Variants in INSR observed in about 807,000 individuals in gnomAD.
The protein encoded by INSR is IR.
Under a neutral mutation model 142.6 loss-of-function variants are expected in INSR, and 67 were observed. The ratio of observed to expected loss-of-function variants is 0.47; its 90% confidence interval spans 0.39 to 0.58. The LOEUF is 0.58. Among genes scored for constraint, INSR ranks in the 20% least tolerant of loss-of-function variants. The pLI, the probability that INSR is intolerant of heterozygous loss-of-function variation, is 0.00. For synonymous variants in INSR, 756 were observed against 743.1 expected (o/e 1.02, Z -0.28); for missense variants, 1,248 against 1,833.2 (o/e 0.68, Z 5.83).
chr19:7,163,266 G>A, intron 8 of INSR, 67 bp from the exon 9 acceptor site: 1 of 1,472,468 alleles, frequency 6.8e-7, no homozygotes, highest in Admixed American at 1.7e-5. Flanking sequence ...GTGGGAGGAT[G>A]GCGGGGGACA....
chr19:7,238,008 C>T (rs978993733), intron 2 of INSR, among the ~76,000 whole-genome samples: 1 of 152,016 alleles, frequency 6.6e-6, no homozygotes, highest in Non-Finnish European at 1.5e-5. Context: ...GGAGGTTTCC[C>T]TCCATCTTGG....
intron 1 of INSR, among the ~76,000 whole-genome samples, chr19:7,274,107 T>C (rs1211268366): frequency 2.0e-5 from 3 of 152,014 alleles, no homozygotes; most frequent in African/African-American, 7.2e-5. Flanking sequence ...GGACCAATGG[T>C]AGAAGACAAT....
At chr19:7,268,859 A>G (rs1319242300) in intron 1 of INSR, among the ~76,000 whole-genome samples, 1 of 152,102 alleles carries the variant, frequency 6.6e-6, no homozygotes, top group African/African-American at 2.4e-5. Context: ...AATCCAGCCC[A>G]TCATGCTTCA....
chr19:7,250,626 G>T (rs976603951), intron 2 of INSR, among the ~76,000 whole-genome samples: 6 of 150,946 alleles, frequency 4.0e-5, no homozygotes, highest in Admixed American at 6.6e-5. Context: ...AGGGCAGGGA[G>T]GAAGAAGATG....
chr19:7,197,149 G>C (rs1213537083), intron 2 of INSR, among the ~76,000 whole-genome samples: 1 of 152,244 alleles, frequency 6.6e-6, no homozygotes, highest in East Asian at 1.9e-4. Flanking sequence ...CCTTGAAGCG[G>C]GGAAGCGCCC....
chr19:7,244,532 C>A (rs199543689), intron 2 of INSR, among the ~76,000 whole-genome samples: 441 of 144,914 alleles, frequency 3.0e-3, no homozygotes, highest in African/African-American at 6.1e-3. Flanking sequence ...GACTCTGTCT[C>A]AAAAAGAAAA....
At chr19:7,126,775 T>C (rs1472351255) in intron 15 of INSR, 124 bp from the exon 16 acceptor site, 1 of 879,994 alleles carries the variant, frequency 1.1e-6, no homozygotes, top group Non-Finnish European at 1.9e-6. Context: ...TAATCCTAGA[T>C]GCAGTCTAGG....
intron 2 of INSR, among the ~76,000 whole-genome samples, chr19:7,259,779 A>G (rs967194891): frequency 3.3e-5 from 5 of 151,650 alleles, no homozygotes; most frequent in Non-Finnish European, 7.4e-5. Context: ...AGATCATGCC[A>G]CTGCACTCCA....
intron 2 of INSR, among the ~76,000 whole-genome samples, chr19:7,244,877 T>C (rs1254650717): frequency 1.3e-5 from 2 of 151,908 alleles, no homozygotes; most frequent in Non-Finnish European, 2.9e-5. Context: ...GGGTTATGTT[T>C]TTAATTAAAT....
rs1247117361 is a variant in INSR at position 7,119,739 on chromosome 19, C to T, written c.3660-156G>A. Among the ~76,000 whole-genome samples, 5 of 150,964 alleles carry T rather than the reference C, an allele frequency of 3.3e-5. No homozygotes were observed. The highest frequency in any genetic ancestry group is 1.2e-4 in the African/African-American group (5 of 40,912). On this transcript the variant is annotated intron_variant, in intron 20 of 21. Coordinates refer to ENST00000302850, the MANE Select transcript of INSR (RefSeq NM_000208.4). This position sits in a 1 kb window ranked among gnomAD's most constrained non-coding sequence, Gnocchi z 5.2. The stretch of plus-strand genomic sequence containing the variant: ...ACACATGCAAACACACACGCACATA[C>T]ACGTGCACACACATGCAAATACACA...
intron 2 of INSR, among the ~76,000 whole-genome samples, chr19:7,252,207 C>G (rs533968231): frequency 6.6e-6 from 1 of 152,136 alleles, no homozygotes; most frequent in South Asian, 2.1e-4. Flanking sequence ...GTCAGGAGTT[C>G]AAGACCATTC....
intron 1 of INSR, among the ~76,000 whole-genome samples, chr19:7,289,549 G>A (rs1968436056): frequency 6.6e-6 from 1 of 151,662 alleles, no homozygotes; most frequent in South Asian, 2.1e-4. Context: ...AGGATTACAA[G>A]GACCCGCCAC....
intron 3 of INSR, among the ~76,000 whole-genome samples, chr19:7,181,695 G>A (rs1261861422): frequency 6.6e-6 from 1 of 151,508 alleles, no homozygotes; most frequent in Non-Finnish European, 1.5e-5. Context: ...TCAGCCTCCC[G>A]AGTAGCTGGG....
rs1195510305 is a variant in INSR, at chr19:7,119,867, AACAC to A, written c.3660-288_3660-285del. ...AAACACACACACGCACACACATGCA[AACAC>A]ACACAAACACACATATGCACACACA... is the stretch of plus-strand genomic sequence containing the variant. On this transcript the variant is annotated intron_variant, in intron 20 of 21. Coordinates refer to ENST00000302850, the MANE Select transcript of INSR (RefSeq NM_000208.4). This position sits in a 1 kb window ranked among gnomAD's most constrained non-coding sequence, Gnocchi z 5.2. Among the ~76,000 whole-genome samples the A allele has an allele frequency of 4.0e-5, 6 of 151,624 alleles. No individual in the cohort carries two copies. The highest frequency in any genetic ancestry group is 1.9e-4 in the East Asian group (1 of 5,148).
chr19:7,132,066 C>A (rs1201693275), intron 14 of INSR, 92 bp downstream of exon 14: 12 of 1,513,610 alleles, frequency 7.9e-6, no homozygotes, highest in Non-Finnish European at 1.1e-5. Flanking sequence ...AGGGCCAGCA[C>A]CTGCGGCCTC....
In INSR at chr19:7,274,644, C is replaced by CA. The variant is rs927123572; in HGVS notation, c.101-6749dup. On this transcript the variant is annotated intron_variant, in intron 1 of 21. Transcript: ENST00000302850. ...TGAAACCCCGTCTCTACTAAAAATA[C>CA]AAAAAAAAAATAGCTGGGCATGGTG... Among the ~76,000 whole-genome samples the CA allele has an allele frequency of 3.2e-3, 467 of 145,752 alleles. 2 individuals carry two copies. Among genetic ancestry groups the CA allele is most frequent in the African/African-American group, 6.5e-3 (258 of 39,778 alleles).
chr19:7,147,124 TG>T (rs1367287285), intron 11 of INSR, among the ~76,000 whole-genome samples: 2 of 152,196 alleles, frequency 1.3e-5, no homozygotes, highest in Non-Finnish European at 2.9e-5. Context: ...AGGACTTCAA[TG>T]GAAGTTTCCA....
At chr19:7,253,923 G>A (rs542857835) in intron 2 of INSR, among the ~76,000 whole-genome samples, 1 of 151,730 alleles carries the variant, frequency 6.6e-6, no homozygotes. Flanking sequence ...CCAGCACTCA[G>A]GAGGCTGAGG....
intron 2 of INSR, among the ~76,000 whole-genome samples, chr19:7,260,307 C>T (rs953533468): frequency 1.7e-4 from 26 of 152,108 alleles, no homozygotes; most frequent in Admixed American, 7.2e-4. Flanking sequence ...CCCTGGCACC[C>T]AGCATGTCCC....
Sources: gnomAD v4.1 joint callset for allele counts (sites outside exome capture counted in the v4.1 genomes callset) on GRCh38, gnomAD v4.1.1 for gene constraint, Gnocchi (gnomAD v3.1) non-coding constraint, MANE v1.5 for transcripts, NCBI Gene and HGNC (gene_info 2026-07-23, HGNC 2026-07-21) for gene names.